Variants in KDM3B observed in about 807,000 individuals in gnomAD.
KDM3B encodes the protein lysine demethylase 3B.
A neutral mutation model predicts 170.0 loss-of-function variants in KDM3B; 10 were observed. That is an observed-to-expected ratio of 0.06 (90% confidence interval 0.04 to 0.10). KDM3B has a LOEUF of 0.10. KDM3B is among the 10% of genes least tolerant of loss of function. KDM3B has a pLI of 1.00. For missense variants in KDM3B, 1,394 were observed against 2,195.2 expected (o/e 0.64, Z 7.29); for synonymous variants, 831 against 834.8 (o/e 1.00, Z 0.08).
intron 9 of KDM3B, among the ~76,000 whole-genome samples, chr5:138,396,266 T>C (rs1191091391): frequency 6.6e-6 from 1 of 152,076 alleles, no homozygotes; most frequent in African/African-American, 2.4e-5. Flanking sequence ...CAGCTAATTT[T>C]TTATATTTTT....
chr5:138,417,556 C>T lies in KDM3B; in HGVS notation c.3381C>T (p.Ile1127=). The T allele has an allele frequency of 6.2e-7, 1 of 1,614,104 alleles. No individual in the cohort carries two copies. The highest frequency in any genetic ancestry group is 8.5e-7 in the Non-Finnish European group (1 of 1,179,964). Residue 1127 remains isoleucine, a synonymous_variant, in exon 13 of 24, where the codon ATC becomes ATT. Transcript: ENST00000314358. ...GAATTAAAGCAAACTGCCCTTGTAT[C>T]AGTCGACAGAACAAATCTGTATTGA... The part of the protein sequence containing the change: ...KWGIKANCPC[I]SRQNKSVLRP...
intron 7 of KDM3B, among the ~76,000 whole-genome samples, chr5:138,388,459 C>T (rs1333289598): frequency 2.0e-5 from 3 of 151,886 alleles, no homozygotes; most frequent in East Asian, 1.9e-4. Flanking sequence ...GGTGAAACCC[C>T]GTCTCTACTA....
Position 138,417,625 on chromosome 5 carries a change from G to T in KDM3B, c.3435+15G>T. 6.2e-7 allele frequency: 1 copy of T among 1,612,784 alleles called. No homozygotes were observed. The highest frequency in any genetic ancestry group is 8.5e-7 in the Non-Finnish European group (1 of 1,178,980). On this transcript the variant is annotated intron_variant, in intron 13 of 23. Coordinates refer to ENST00000314358, the MANE Select transcript of KDM3B (RefSeq NM_016604.4). ...GGATGTCACAGGTAAACTGGTGTGT[G>T]TGGGTATAACTAAGTGAAGCCTAAA...
chr5:138,425,817 C>A, intron 17 of KDM3B: 1 of 343,088 alleles, frequency 2.9e-6, no homozygotes, highest in Non-Finnish European at 5.4e-6. Context: ...ACCAGCCTGG[C>A]CAACTTAGCG....
intron 1 of KDM3B, 130 bp downstream of exon 1, chr5:138,353,117 C>CA (rs1761370194): frequency 2.6e-6 from 2 of 780,312 alleles, no homozygotes; most frequent in South Asian, 1.3e-4. Flanking sequence ...CTCCTTAGCG[C>CA]CCCCCGCCGG....
chr5:138,417,714 G>C, intron 13 of KDM3B, 104 bp downstream of exon 13: 1 of 1,180,456 alleles, frequency 8.5e-7, no homozygotes, highest in Non-Finnish European at 1.2e-6. Flanking sequence ...TAGGATTCCT[G>C]AGGAATCAGG....
intron 11 of KDM3B, among the ~76,000 whole-genome samples, chr5:138,403,621 G>T (rs551213445): frequency 8.0e-5 from 12 of 150,874 alleles, no homozygotes; most frequent in Admixed American, 2.0e-4. Flanking sequence ...AGCTTGCAGT[G>T]AGCCAAGATC....
At chr5:138,357,419 A>G (rs756413040) in intron 1 of KDM3B, among the ~76,000 whole-genome samples, 61 of 151,952 alleles carry the variant, frequency 4.0e-4, no homozygotes, top group Admixed American at 1.1e-3. Flanking sequence ...CTGGAGTGCA[A>G]TGACACAGTC....
At chr5:138,414,044 G>T (rs1316327287) in intron 11 of KDM3B, among the ~76,000 whole-genome samples, 1 of 152,160 alleles carries the variant, frequency 6.6e-6, no homozygotes, top group Non-Finnish European at 1.5e-5. Flanking sequence ...ACAAAGGAAT[G>T]AATTACTAAT....
chr5:138,426,875 AAAAAAG>A lies in KDM3B; in HGVS notation c.4412-94_4412-89del. 59 of 745,802 alleles carry A rather than the reference AAAAAAG, an allele frequency of 7.9e-5. 6 individuals are homozygous for A. Among genetic ancestry groups the A allele is most frequent in the Admixed American group, 1.7e-4 (6 of 35,214 alleles). The allele number at this position is 745,802 out of a possible 1,614,324, so 46.2% of individuals were successfully genotyped here. A position where few individuals can be genotyped will look rare whatever the true frequency, so the allele number is the denominator to read the frequency against. ...AAGACTCTGTCTCAAAAAAAAAAAA[AAAAAAG>A]AAAAAAAAGAGATTAGTCTCCCAAA... On this transcript the variant is annotated intron_variant, in intron 17 of 23. Transcript: ENST00000314358.
In KDM3B at chr5:138,434,249, T is replaced by C. The variant is rs924710137; in HGVS notation, c.5206-1371T>C. 9.2e-5 allele frequency among the ~76,000 whole-genome samples: 14 copies of C among 152,032 alleles called. 1 individual carries two copies. Among genetic ancestry groups the C allele is most frequent in the African/African-American group, 3.1e-4 (13 of 41,380 alleles). ...TCCAGCCTGGGCAACAGACTCTGTC[T>C]CTTTATTTAAAAACAACAGGCTGGG... On this transcript the variant is annotated intron_variant, in intron 23 of 23. Coordinates refer to ENST00000314358, the MANE Select transcript of KDM3B (RefSeq NM_016604.4).
intron 11 of KDM3B, among the ~76,000 whole-genome samples, chr5:138,411,322 AT>A (rs916560493): frequency 6.6e-6 from 1 of 152,206 alleles, no homozygotes; most frequent in Non-Finnish European, 1.5e-5. Context: ...CTAGGTTATG[AT>A]TATAGAGCGA....
At chr5:138,392,669 G>T (rs759817721) in intron 8 of KDM3B, among the ~76,000 whole-genome samples, 30 of 152,174 alleles carry the variant, frequency 2.0e-4, no homozygotes, top group Non-Finnish European at 3.7e-4. Context: ...GAAGCAGAGA[G>T]AATCACCCCT....
chr5:138,394,360 C>T (rs192217819), intron 9 of KDM3B, among the ~76,000 whole-genome samples: 6 of 152,062 alleles, frequency 3.9e-5, no homozygotes, highest in South Asian at 4.2e-4. Context: ...AGAAGCAAAG[C>T]GAGGCTCTCT....
intron 17 of KDM3B, 113 bp from the exon 18 acceptor site, chr5:138,426,862 C>CA (rs60899302): frequency 0.012 from 6,401 of 551,866 alleles, 14 homozygotes; most frequent in Non-Finnish European, 0.014. Context: ...GACTCTGTCT[C>CA]AAAAAAAAAA....
chr5:138,383,287 C>T (rs1762171211), intron 6 of KDM3B, among the ~76,000 whole-genome samples: 1 of 151,944 alleles, frequency 6.6e-6, no homozygotes, highest in South Asian at 2.1e-4. Context: ...TACAGGCGCA[C>T]ACCACCATGC....
chr5:138,370,201 T>C (rs1483080730), intron 1 of KDM3B, among the ~76,000 whole-genome samples: 1 of 152,248 alleles, frequency 6.6e-6, no homozygotes, highest in Non-Finnish European at 1.5e-5. Flanking sequence ...GTAAAAATCA[T>C]GCTTCTCTCT....
At chr5:138,408,070 T>C (rs1223261345) in intron 11 of KDM3B, among the ~76,000 whole-genome samples, 1 of 152,222 alleles carries the variant, frequency 6.6e-6, no homozygotes, top group Non-Finnish European at 1.5e-5. Context: ...GAGCTTCATC[T>C]TCCCTTCGCT....
chr5:138,412,514 C>T (rs1050068895), intron 11 of KDM3B, among the ~76,000 whole-genome samples: 3 of 151,904 alleles, frequency 2.0e-5, no homozygotes, highest in South Asian at 2.1e-4. Flanking sequence ...ATTAGCGAGA[C>T]GTGGTGGCTT....
Sources: gnomAD v4.1 joint callset for allele counts (sites outside exome capture counted in the v4.1 genomes callset) on GRCh38, gnomAD v4.1.1 for gene constraint, MANE v1.5 for transcripts, NCBI Gene and HGNC (gene_info 2026-07-23, HGNC 2026-07-21) for gene names.